Variants in KCNB2 observed in about 807,000 individuals in gnomAD.
The protein encoded by KCNB2 is delayed rectifier potassium channel protein.
Under a neutral mutation model 61.5 loss-of-function variants are expected in KCNB2, and 15 were observed. The observed-to-expected ratio is 0.24, with a 90% confidence interval of 0.16 to 0.38. The LOEUF (loss-of-function observed/expected upper bound fraction) is 0.38. KCNB2 is among the 10% of genes least tolerant of loss of function. The pLI is 1.00. For synonymous variants in KCNB2, 457 were observed against 446.0 expected (o/e 1.02, Z -0.31); for missense variants, 828 against 1,125.2 (o/e 0.74, Z 3.78).
At chr8:72,724,716 G>A (rs770773242) in intron 2 of KCNB2, among the ~76,000 whole-genome samples, 7 of 152,184 alleles carry the variant, frequency 4.6e-5, no homozygotes, top group African/African-American at 1.7e-4. Context: ...CAAAGTTAAC[G>A]ATGCATCCTG....
intron 2 of KCNB2, among the ~76,000 whole-genome samples, chr8:72,651,514 C>T (rs1043368023): frequency 6.6e-5 from 10 of 152,240 alleles, no homozygotes; most frequent in Admixed American, 2.6e-4. Context: ...TTAACATCCA[C>T]AGAGACTTTT....
At chr8:72,775,964 C>T (rs375285211) in intron 2 of KCNB2, among the ~76,000 whole-genome samples, 17 of 152,178 alleles carry the variant, frequency 1.1e-4, no homozygotes, top group South Asian at 2.1e-4. Context: ...ATGTTCATTG[C>T]GGCACTATTC....
At chr8:72,831,954 A>C (rs1321892787) in intron 2 of KCNB2, among the ~76,000 whole-genome samples, 1 of 152,254 alleles carries the variant, frequency 6.6e-6, no homozygotes, top group Non-Finnish European at 1.5e-5. Context: ...CACCCTTTTA[A>C]GAGTCAGATT....
intron 2 of KCNB2, among the ~76,000 whole-genome samples, chr8:72,748,637 C>T (rs1428462951): frequency 6.9e-6 from 1 of 143,918 alleles, no homozygotes; most frequent in African/African-American, 2.6e-5. Context: ...AAATTAAAAG[C>T]CAAAAACCAT....
At chr8:72,589,554 T>A (rs1807053980) in intron 2 of KCNB2, among the ~76,000 whole-genome samples, 1 of 152,190 alleles carries the variant, frequency 6.6e-6, no homozygotes, top group Non-Finnish European at 1.5e-5. Context: ...CTCTACTTCC[T>A]GCCATGCTTA....
Position 72,913,492 on chromosome 8 carries a change from C to T in KCNB2, c.580-22443C>T, listed in dbSNP as rs76719762. Among the ~76,000 whole-genome samples, 8 of 152,304 alleles carry T rather than the reference C, an allele frequency of 5.3e-5. No individual in the cohort carries two copies. The East Asian group carries it at 1.5e-3, about 29-fold the overall frequency. On this transcript the variant is annotated intron_variant, in intron 2 of 2. Coordinates refer to ENST00000523207, the MANE Select transcript of KCNB2 (RefSeq NM_004770.3). ...AAATACCAAGGTACTTTTGAGGGTA[C>T]TGCAATAAGTAGCTGTACTTGGGTG...
At chr8:72,571,768 G>A (rs1806714466) in intron 2 of KCNB2, among the ~76,000 whole-genome samples, 1 of 152,152 alleles carries the variant, frequency 6.6e-6, no homozygotes, top group South Asian at 2.1e-4. Flanking sequence ...GGAATTGCTG[G>A]TTTTAGTGTG....
intron 2 of KCNB2, among the ~76,000 whole-genome samples, chr8:72,841,499 A>G (rs1443737909): frequency 6.6e-6 from 1 of 150,772 alleles, no homozygotes; most frequent in Non-Finnish European, 1.5e-5. Context: ...TGGGGATAGC[A>G]TTGAATCTAT....
chr8:72,920,883 T>C (rs1306176709), intron 2 of KCNB2, among the ~76,000 whole-genome samples: 3 of 151,860 alleles, frequency 2.0e-5, no homozygotes, highest in Non-Finnish European at 4.4e-5. Context: ...AAAATACAAA[T>C]GTTAGAGCTA....
chr8:72,871,782 GCACTTCTATTTTAAATTTACGTTGTTA>G (rs1315253046), intron 2 of KCNB2, among the ~76,000 whole-genome samples: 2 of 152,168 alleles, frequency 1.3e-5, no homozygotes, highest in Non-Finnish European at 2.9e-5. Flanking sequence ...ATTGCCAACT[GCACTTCTATTTTAAATTTACGTTGTTA>G]CCTTTACAGC....
At chr8:72,802,890 G>A (rs16938387) in intron 2 of KCNB2, among the ~76,000 whole-genome samples, 4,249 of 152,136 alleles carry the variant, frequency 0.028, 123 homozygotes, top group African/African-American at 0.073. Flanking sequence ...ATCAATAAAA[G>A]GTTTTCTTCA....
chr8:72,787,729 T>C (rs1297187205), intron 2 of KCNB2, among the ~76,000 whole-genome samples: 2 of 152,168 alleles, frequency 1.3e-5, no homozygotes, highest in African/African-American at 4.8e-5. Flanking sequence ...TTGCCTTGCC[T>C]CTTCCCTAAC....
chr8:72,725,603 A>ATGTATATATATATATATATG (rs1438518658), intron 2 of KCNB2, among the ~76,000 whole-genome samples: 2 of 110,974 alleles, frequency 1.8e-5, no homozygotes, highest in African/African-American at 4.5e-5. Context: ...ATATATATAT[A>ATGTATATATATATATATATG]TATATATATA....
At chr8:72,848,803 CTT>C (rs1268098236) in intron 2 of KCNB2, among the ~76,000 whole-genome samples, 8 of 151,942 alleles carry the variant, frequency 5.3e-5, no homozygotes, top group Admixed American at 3.3e-4. Context: ...TTATAGATAA[CTT>C]ATTAAGATTC....
chr8:72,903,635 G>T (rs1806123512), intron 2 of KCNB2, among the ~76,000 whole-genome samples: 1 of 152,102 alleles, frequency 6.6e-6, no homozygotes. Flanking sequence ...GCCAGTTCCT[G>T]GCCAGAGAGT....
intron 2 of KCNB2, among the ~76,000 whole-genome samples, chr8:72,610,109 G>GA (rs564511031): frequency 1.3e-5 from 2 of 151,354 alleles, no homozygotes; most frequent in East Asian, 1.9e-4. Flanking sequence ...AAAACAACAG[G>GA]AAAAAAAAAT....
At chr8:72,712,772 A>C (rs1807346753) in intron 2 of KCNB2, among the ~76,000 whole-genome samples, 1 of 152,152 alleles carries the variant, frequency 6.6e-6, no homozygotes, top group East Asian at 1.9e-4. Context: ...TTTCCAACTG[A>C]GGTACTGGGT....
intron 2 of KCNB2, among the ~76,000 whole-genome samples, chr8:72,743,424 T>A (rs1422477282): frequency 6.6e-6 from 1 of 152,218 alleles, no homozygotes; most frequent in Non-Finnish European, 1.5e-5. Flanking sequence ...TGCAAAAGAC[T>A]GCGTGTGTTT....
intron 2 of KCNB2, among the ~76,000 whole-genome samples, chr8:72,714,923 G>A (rs961275666): frequency 1.4e-3 from 212 of 152,066 alleles, no homozygotes; most frequent in Non-Finnish European, 2.2e-3. Context: ...CCCATCTCAC[G>A]TGCAGAGACA....
Sources: allele counts gnomAD v4.1 joint callset (sites outside exome capture counted in the v4.1 genomes callset), GRCh38; gene constraint gnomAD v4.1.1; transcripts MANE v1.5; gene names NCBI Gene and HGNC (gene_info 2026-07-23, HGNC 2026-07-21).